SOX13: variants seen among roughly 807,000 people sequenced by gnomAD.
SOX13 encodes SRY-box transcription factor 13.
A neutral mutation model predicts 71.8 loss-of-function variants in SOX13; 28 were observed. The ratio of observed to expected loss-of-function variants is 0.39; its 90% CI spans 0.29 to 0.53. The LOEUF (loss-of-function observed/expected upper bound fraction) is 0.53. Ranked by LOEUF, SOX13 falls within the 20% of genes least tolerant of loss-of-function variation. SOX13 has a pLI of 0.70. For synonymous variants in SOX13, 309 were observed against 317.8 expected (o/e 0.97, Z 0.29); for missense variants, 627 against 810.3 (o/e 0.77, Z 2.75).
intron 1 of SOX13, chr1:204,074,323 G>A (rs1277407729): frequency 6.6e-6 from 1 of 151,668 alleles, no homozygotes; most frequent in African/African-American, 2.4e-5. Context: ...GGCTGCTCCT[G>A]TCCCACCCCC....
chr1:204,078,413 C>T (rs953072021), intron 1 of SOX13, among the ~76,000 whole-genome samples: 1 of 152,226 alleles, frequency 6.6e-6, no homozygotes, highest in Non-Finnish European at 1.5e-5. Context: ...CAGCTGTGCT[C>T]CTGAGCCCCC....
At chr1:204,091,277 C>G (rs903015227) in intron 1 of SOX13, among the ~76,000 whole-genome samples, 1 of 152,198 alleles carries the variant, frequency 6.6e-6, no homozygotes, top group Non-Finnish European at 1.5e-5. Context: ...ATGCTGCTCA[C>G]GGCTTTGGTC....
intron 1 of SOX13, among the ~76,000 whole-genome samples, chr1:204,090,253 A>T (rs1319486939): frequency 1.3e-5 from 2 of 152,098 alleles, no homozygotes; most frequent in Admixed American, 1.3e-4. Flanking sequence ...GGTGTTAGGC[A>T]GGGAGAGCAT....
chr1:204,093,931 A>G (rs1471194885), intron 1 of SOX13, among the ~76,000 whole-genome samples: 1 of 152,136 alleles, frequency 6.6e-6, no homozygotes, highest in South Asian at 2.1e-4. Flanking sequence ...TATTATTTCC[A>G]CTGCATCAAA....
chr1:204,088,301 C>A (rs147902546), intron 1 of SOX13, among the ~76,000 whole-genome samples: 1 of 152,070 alleles, frequency 6.6e-6, no homozygotes, highest in Non-Finnish European at 1.5e-5. Flanking sequence ...GGATGCTGGT[C>A]GATTCGGCTG....
In SOX13 at chr1:204,124,815, T is replaced by A. The variant is rs780357317; in HGVS notation, c.1550T>A (p.Met517Lys). The change falls in exon 13 of 14, where the codon ATG becomes AAG. Residue 517 changes from methionine to lysine, a missense_variant. This residue lies in a region of SOX13 where 148 missense variants were observed against 192.7 expected (regional missense o/e 0.77). Transcript: ENST00000367204. ...CGCGTGGGAGAGTACAAGGCCCTGA[T>A]GAGGACCCGGCGTCAGGATGCCCGC... ...RLRVGEYKAL[M>K]RTRRQDARQS... 9 of 1,588,110 alleles carry A rather than the reference T, an allele frequency of 5.7e-6. No individual in the cohort carries two copies. The highest frequency in any genetic ancestry group is 6.8e-6 in the Non-Finnish European group (8 of 1,168,038).
At chr1:204,089,221 G>A (rs1424260395) in intron 1 of SOX13, among the ~76,000 whole-genome samples, 2 of 152,202 alleles carry the variant, frequency 1.3e-5, no homozygotes, top group East Asian at 3.9e-4. Context: ...AAGAGGAGCA[G>A]ATCAACAATT....
At chr1:204,080,396 G>A (rs1655878394) in intron 1 of SOX13, among the ~76,000 whole-genome samples, 1 of 152,144 alleles carries the variant, frequency 6.6e-6, no homozygotes, top group African/African-American at 2.4e-5. Context: ...AGGAGAGAGG[G>A]GAAGGGGCCA....
rs780828877 is a variant in SOX13 at position 204,116,501 on chromosome 1, G to C, written c.419-6G>C. Reference sequence around the variant, plus strand: ...TCTCAATGGGGTCTGTTTCACTGTGGAGCAGGGACCCAAGAGAGCCTAGCA... The same window carrying C: ...TCTCAATGGGGTCTGTTTCACTGTGCAGCAGGGACCCAAGAGAGCCTAGCA... On this transcript the variant is annotated splice_polypyrimidine_tract_variant and splice_region_variant and intron_variant, in intron 4 of 13. Transcript: ENST00000367204. The C allele has an allele frequency of 3.1e-6, 5 of 1,613,666 alleles. No homozygotes were observed. The South Asian group carries it at 3.3e-5, about 11-fold the overall frequency.
intron 4 of SOX13, 62 bp downstream of exon 4, chr1:204,114,667 C>G: frequency 1.5e-6 from 2 of 1,308,944 alleles, no homozygotes; most frequent in African/African-American, 1.4e-5. Context: ...CTGGTCTGGC[C>G]ACGCAGCCTG....
intron 1 of SOX13, among the ~76,000 whole-genome samples, chr1:204,104,312 C>G (rs1313336241): frequency 6.6e-6 from 1 of 152,218 alleles, no homozygotes; most frequent in African/African-American, 2.4e-5. Flanking sequence ...TCTGATACCC[C>G]CCAGGGCTCA....
At chr1:204,115,227 C>T (rs533159157) in intron 4 of SOX13, among the ~76,000 whole-genome samples, 8 of 151,234 alleles carry the variant, frequency 5.3e-5, no homozygotes, top group East Asian at 2.0e-4. Flanking sequence ...AGGCTGGTCT[C>T]GAACCCCTGG....
At chr1:204,105,418 T>G (rs987185092) in intron 1 of SOX13, among the ~76,000 whole-genome samples, 3 of 150,582 alleles carry the variant, frequency 2.0e-5, no homozygotes, top group Non-Finnish European at 4.4e-5. Flanking sequence ...AATCTCTTTT[T>G]TTTTTGAGAC....
At chr1:204,078,384 A>G (rs1655827284) in intron 1 of SOX13, among the ~76,000 whole-genome samples, 1 of 152,168 alleles carries the variant, frequency 6.6e-6, no homozygotes, top group Admixed American at 6.5e-5. Context: ...ACACCACCGG[A>G]AAAAGTGGAA....
rs376615783 is a variant in SOX13 at position 204,126,040 on chromosome 1, C to T, written c.1775C>T (p.Ser592Leu). 181 of 1,613,956 alleles carry T rather than the reference C, an allele frequency of 1.1e-4. No individual in the cohort carries two copies. Among genetic ancestry groups the T allele is most frequent in the Non-Finnish European group, 1.4e-4 (163 of 1,179,882 alleles). ...EEGEGTDDRH[S>L]VADGEMYRYS... ...GGTGAGGGCACAGATGACAGGCACTCGGTGGCTGATGGCGAGATGTACCGG... is the reference window on the plus strand; with the variant it reads ...GGTGAGGGCACAGATGACAGGCACTTGGTGGCTGATGGCGAGATGTACCGG... Residue 592 changes from serine to leucine, a missense_variant, in exon 14 of 14, where the codon TCG (serine) becomes TTG (leucine). Physicochemically the swap from Ser to Leu is moderately radical, Grantham distance 145. This residue lies in a region of SOX13 where 148 missense variants were observed against 192.7 expected (regional missense o/e 0.77). Transcript: ENST00000367204.
chr1:204,114,679 C>T, intron 4 of SOX13, 74 bp downstream of exon 4: 3 of 1,143,152 alleles, frequency 2.6e-6, no homozygotes, highest in Admixed American at 1.7e-5. Flanking sequence ...CGCAGCCTGG[C>T]TCTGTAGGGC....
chr1:204,123,340 G>C lies in SOX13; in HGVS notation c.1231+132G>C. Reference sequence around the variant, plus strand: ...GTCCTTTCCAGGTGTGTGTGCCTCTGCTGTCCCATTATGTGTCTGTCGGCT... The same window carrying C: ...GTCCTTTCCAGGTGTGTGTGCCTCTCCTGTCCCATTATGTGTCTGTCGGCT... On this transcript the variant is annotated intron_variant, in intron 11 of 13. Transcript: ENST00000367204. This position sits in a 1 kb window ranked among gnomAD's most constrained non-coding sequence, Gnocchi z 5.0. 1.3e-6 allele frequency: 1 copy of C among 758,946 alleles called. No homozygotes were observed. Among genetic ancestry groups the C allele is most frequent in the Non-Finnish European group, 2.3e-6 (1 of 434,978 alleles). 47.0% of individuals were successfully genotyped at this position (758,946 alleles called of 1,614,324 possible).
At chr1:204,124,535 T>C (rs1313330838) in intron 12 of SOX13, 106 bp from the exon 13 acceptor site, 5 of 896,810 alleles carry the variant, frequency 5.6e-6, no homozygotes, top group Non-Finnish European at 7.0e-6. Flanking sequence ...ACATATATTA[T>C]CTTATGGACC....
In SOX13 at chr1:204,127,695, G is replaced by A. The variant is rs1656949044; in HGVS notation, c.*1561G>A. The A allele has an allele frequency of 6.6e-6, 1 of 152,608 alleles. No homozygotes were observed. The highest frequency in any genetic ancestry group is 6.5e-5 in the Admixed American group (1 of 15,278). The allele number at this position is 152,608 out of a possible 1,614,324, so 9.5% of individuals were successfully genotyped here. ...GCACATTTCTCCTGTTTACACTCGG[G>A]GGATTTTTTTGTTTTCTGATGACAT... On this transcript the variant is annotated 3_prime_UTR_variant, in exon 14 of 14. Coordinates refer to ENST00000367204, the MANE Select transcript of SOX13 (RefSeq NM_005686.3).
Sources: gnomAD v4.1 joint callset for allele counts (sites outside exome capture counted in the v4.1 genomes callset) on GRCh38, gnomAD v4.1.1 for gene constraint, gnomAD v4.1.1 regional missense constraint, Gnocchi (gnomAD v3.1) non-coding constraint, MANE v1.5 for transcripts, NCBI Gene and HGNC (gene_info 2026-07-23, HGNC 2026-07-21) for gene names.